GPBP1: variants seen among roughly 807,000 people sequenced by gnomAD.
GPBP1 encodes the protein GC-rich promoter binding protein 1, also known as vasculin.
GPBP1 carries 13 observed loss-of-function variants against 56.5 expected under a neutral mutation model. The ratio of observed to expected loss-of-function variants is 0.23; its 90% CI spans 0.15 to 0.37. The LOEUF (loss-of-function observed/expected upper bound fraction) is 0.37. Ranked by LOEUF, GPBP1 falls within the 10% of genes least tolerant of loss-of-function variation. GPBP1 has a pLI of 1.00. For missense variants in GPBP1, 477 were observed against 572.3 expected, an observed-to-expected ratio of 0.83 and a Z score of 1.70; for synonymous variants, 204 against 188.9, an observed-to-expected ratio of 1.08 and a Z score of -0.66.
At chr5:57,210,866 G>C (rs996487283) in intron 2 of GPBP1, among the ~76,000 whole-genome samples, 6 of 152,102 alleles carry the variant, frequency 3.9e-5, no homozygotes, top group Admixed American at 6.5e-5. Flanking sequence ...TTTCTTATAA[G>C]GGCACAGTCT....
At chr5:57,256,214 C>T (rs1048140214) in intron 10 of GPBP1, among the ~76,000 whole-genome samples, 13 of 151,984 alleles carry the variant, frequency 8.6e-5, no homozygotes, top group African/African-American at 2.9e-4. Context: ...GAGATCGCAC[C>T]ACTGAACTCT....
At position 57,263,765 on chromosome 5, in the gene GPBP1, T is replaced by C. The variant is rs1742003178; in HGVS notation, c.*1013T>C. On this transcript the variant is annotated 3_prime_UTR_variant, in exon 12 of 12. Coordinates refer to ENST00000506184, the MANE Select transcript of GPBP1 (RefSeq NM_022913.4). Reference sequence around the variant, plus strand: ...TTTCATTATCAAATACACAAGCTTATTAAATGAATGACTGTTAACTACTTT... The same window carrying C: ...TTTCATTATCAAATACACAAGCTTACTAAATGAATGACTGTTAACTACTTT... The C allele has an allele frequency of 6.6e-6, 1 of 152,222 alleles. No homozygotes were observed. The highest frequency in any genetic ancestry group is 2.1e-4 in the South Asian group (1 of 4,834). The allele number at this position is 152,222 out of a possible 1,614,324, so 9.4% of individuals were successfully genotyped here.
chr5:57,222,944 G>T (rs985664295), intron 3 of GPBP1, among the ~76,000 whole-genome samples: 2 of 152,038 alleles, frequency 1.3e-5, no homozygotes, highest in African/African-American at 4.8e-5. Flanking sequence ...GCATATTTTT[G>T]TGTTAGAAAT....
intron 5 of GPBP1, among the ~76,000 whole-genome samples, chr5:57,232,971 G>A (rs1426390712): frequency 6.6e-6 from 1 of 152,126 alleles, no homozygotes; most frequent in African/African-American, 2.4e-5. Context: ...AGAGAGAGAG[G>A]AAAGGATTTA....
Position 57,236,018 on chromosome 5 carries a change from C to A in GPBP1, c.464C>A (p.Ala155Asp). Reference sequence around the variant, plus strand: ...GAACCAAATCACAATAAGTCTTTAGCTGCAGGTGTGTGGGGTAAGTAATTT... The same window carrying A: ...GAACCAAATCACAATAAGTCTTTAGATGCAGGTGTGTGGGGTAAGTAATTT... ...EREPNHNKSL[A>D]AGVWEYPPNP... The change falls in exon 6 of 12, where the codon GCT becomes GAT. Residue 155 changes from alanine to aspartate, a missense_variant. By Grantham distance (126) the Ala-to-Asp change is moderately radical. Coordinates refer to ENST00000506184, the MANE Select transcript of GPBP1 (RefSeq NM_022913.4). 6.2e-7 allele frequency: 1 copy of A among 1,608,296 alleles called. No homozygotes were observed. The highest frequency in any genetic ancestry group is 8.5e-7 in the Non-Finnish European group (1 of 1,174,956).
chr5:57,239,392 G>A (rs1180073042), intron 6 of GPBP1, among the ~76,000 whole-genome samples: 3 of 152,184 alleles, frequency 2.0e-5, no homozygotes, highest in African/African-American at 2.4e-5. Context: ...GTACCATATC[G>A]ATTGGTGTTG....
intron 2 of GPBP1, among the ~76,000 whole-genome samples, chr5:57,202,254 G>T (rs1755051652): frequency 6.6e-6 from 1 of 152,112 alleles, no homozygotes; most frequent in Non-Finnish European, 1.5e-5. Context: ...CAAAGTGCTA[G>T]GATTGTAGGC....
intron 2 of GPBP1, among the ~76,000 whole-genome samples, chr5:57,199,898 C>T (rs180868728): frequency 1.3e-4 from 20 of 151,030 alleles, no homozygotes. Context: ...CTAGTGGTTT[C>T]AGATGTATTT....
At chr5:57,226,293 C>G (rs1462910703) in intron 3 of GPBP1, among the ~76,000 whole-genome samples, 1 of 152,170 alleles carries the variant, frequency 6.6e-6, no homozygotes, top group African/African-American at 2.4e-5. Flanking sequence ...TGGTGGTTCC[C>G]AACCTCCACC....
At chr5:57,219,869 G>A (rs373820388) in intron 3 of GPBP1, among the ~76,000 whole-genome samples, 4 of 151,900 alleles carry the variant, frequency 2.6e-5, no homozygotes. Flanking sequence ...CTGGACCAAC[G>A]TGGAAAAACC....
chr5:57,207,619 G>C (rs1345225616), intron 2 of GPBP1, among the ~76,000 whole-genome samples: 1 of 152,208 alleles, frequency 6.6e-6, no homozygotes, highest in African/African-American at 2.4e-5. Context: ...AAGGACAGAG[G>C]GCTTTTTTGC....
chr5:57,231,312 T>C lies in GPBP1; in HGVS notation c.402T>C (p.Ala134=). 1 of 1,609,868 alleles carries C rather than the reference T, an allele frequency of 6.2e-7. No homozygotes were observed. ...EDKRERKQFE[A]EDFPSLNPEY... The stretch of plus-strand genomic sequence containing the variant: ...AGAGAGAACGCAAACAGTTTGAAGC[T>C]GAGGATTTTGTAAGTTTTTTATGAC... The change falls in exon 5 of 12, where the codon GCT becomes GCC. Residue 134 remains alanine (A), a synonymous_variant. Transcript: ENST00000506184.
intron 10 of GPBP1, among the ~76,000 whole-genome samples, chr5:57,256,350 G>T (rs1048120759): frequency 3.9e-5 from 6 of 152,086 alleles, no homozygotes; most frequent in Admixed American, 2.0e-4. Flanking sequence ...TGAAGAGATA[G>T]TATCAGTGAT....
intron 3 of GPBP1, among the ~76,000 whole-genome samples, chr5:57,227,606 T>C (rs1276733959): frequency 6.6e-6 from 1 of 152,206 alleles, no homozygotes; most frequent in African/African-American, 2.4e-5. Flanking sequence ...ACCAAGCTCT[T>C]TATATATGTG....
At chr5:57,254,468 G>A (rs1741548579) in intron 10 of GPBP1, among the ~76,000 whole-genome samples, 1 of 152,102 alleles carries the variant, frequency 6.6e-6, no homozygotes, top group African/African-American at 2.4e-5. Flanking sequence ...GCTAAGGTGG[G>A]TGGGTCACTT....
At chr5:57,223,182 C>G (rs1033838269) in intron 3 of GPBP1, among the ~76,000 whole-genome samples, 1 of 152,030 alleles carries the variant, frequency 6.6e-6, no homozygotes, top group Non-Finnish European at 1.5e-5. Flanking sequence ...CTGTGTTACC[C>G]AGGCTGGTCT....
chr5:57,210,898 A>G (rs553800870), intron 2 of GPBP1, among the ~76,000 whole-genome samples: 3 of 152,262 alleles, frequency 2.0e-5, no homozygotes, highest in African/African-American at 7.2e-5. Context: ...AACCCACTCT[A>G]ATTGCCTCAT....
chr5:57,209,851 G>A (rs1755399068), intron 2 of GPBP1, among the ~76,000 whole-genome samples: 1 of 152,074 alleles, frequency 6.6e-6, no homozygotes, highest in African/African-American at 2.4e-5. Context: ...TTTGTATGGT[G>A]TTTAATCCTT....
chr5:57,240,081 ACAAAAAT>A (rs1740752095), intron 6 of GPBP1, among the ~76,000 whole-genome samples: 1 of 152,022 alleles, frequency 6.6e-6, no homozygotes, highest in African/African-American at 2.4e-5. Context: ...CCTTGTCTCT[ACAAAAAT>A]AAAAAATAAA....
Sources: gnomAD v4.1 joint callset for allele counts (sites outside exome capture counted in the v4.1 genomes callset) on GRCh38, gnomAD v4.1.1 for gene constraint, MANE v1.5 for transcripts, NCBI Gene and HGNC (gene_info 2026-07-23, HGNC 2026-07-21) for gene names.